The following MARK1 variants were observed in gnomAD, a reference collection of about 807,000 sequenced individuals.
MARK1 encodes the protein microtubule affinity regulating kinase 1.
Under a neutral mutation model 96.3 loss-of-function variants are expected in MARK1, and 40 were observed. The ratio of observed to expected loss-of-function variants is 0.42; its 90% CI spans 0.32 to 0.54. The LOEUF is 0.54. Among genes scored for constraint, MARK1 ranks in the 20% least tolerant of loss-of-function variants. The pLI is 0.16. For synonymous variants in MARK1, 317 were observed against 341.2 expected, an observed-to-expected ratio of 0.93 and a Z score of 0.78; for missense variants, 719 against 984.6, an observed-to-expected ratio of 0.73 and a Z score of 3.61.
intron 1 of MARK1, among the ~76,000 whole-genome samples, chr1:220,548,155 A>G (rs1011586333): frequency 6.6e-6 from 1 of 152,232 alleles, no homozygotes; most frequent in Non-Finnish European, 1.5e-5. Flanking sequence ...CTTTAAGAAT[A>G]TGAGGTGATG....
At chr1:220,641,461 A>G (rs1668264087) in intron 13 of MARK1, among the ~76,000 whole-genome samples, 1 of 152,094 alleles carries the variant, frequency 6.6e-6, no homozygotes, top group Admixed American at 6.5e-5. Flanking sequence ...CTGCACCTTG[A>G]TCTTGATCTC....
rs766351368 is a variant in MARK1, at chr1:220,635,397, T to C, written c.1144T>C (p.Ser382Pro). The C allele has an allele frequency of 5.0e-6, 8 of 1,608,388 alleles. No homozygotes were observed. The East Asian group carries it at 1.3e-4, about 27-fold the overall frequency. ...ATAGTTTGAAGGTGGTGAATCGTTA[T>C]CCAGTGGAAACTTGTGTCAGAGGTC... The part of the protein sequence containing the change: ...PPEFEGGESL[S>P]SGNLCQRSRP... The change falls in exon 12 of 18, where the codon TCC becomes CCC. Residue 382 changes from serine (S) to proline (P), a missense_variant. This residue lies in a region of MARK1 where 501 missense variants were observed against 588.3 expected (regional missense o/e 0.85). Coordinates refer to ENST00000366917, the MANE Select transcript of MARK1 (RefSeq NM_018650.5).
chr1:220,603,978 T>C (rs1408240525), intron 5 of MARK1, 89 bp from the exon 6 acceptor site: 2 of 750,584 alleles, frequency 2.7e-6, no homozygotes, highest in African/African-American at 3.6e-5. Context: ...AAAAGTTTCT[T>C]TATAAACAAG....
At chr1:220,595,972 G>A (rs1207930525) in intron 3 of MARK1, among the ~76,000 whole-genome samples, 3 of 152,202 alleles carry the variant, frequency 2.0e-5, no homozygotes, top group Non-Finnish European at 4.4e-5. Context: ...CAGACATATG[G>A]AGCTGGGGAA....
intron 1 of MARK1, among the ~76,000 whole-genome samples, chr1:220,550,921 A>G (rs1201141940): frequency 1.3e-5 from 2 of 152,240 alleles, no homozygotes; most frequent in Admixed American, 1.3e-4. Context: ...ATACTTACAC[A>G]ATTGTGGAAG....
At chr1:220,533,869 T>C (rs1407799691) in intron 1 of MARK1, among the ~76,000 whole-genome samples, 1 of 152,200 alleles carries the variant, frequency 6.6e-6, no homozygotes, top group Non-Finnish European at 1.5e-5. Flanking sequence ...CTATCCTTCA[T>C]GTTTAACCTG....
intron 1 of MARK1, among the ~76,000 whole-genome samples, chr1:220,562,086 C>G (rs1662705574): frequency 6.6e-6 from 1 of 152,070 alleles, no homozygotes; most frequent in Non-Finnish European, 1.5e-5. Flanking sequence ...AAACTTTTAT[C>G]TGGTTGGAAA....
intron 1 of MARK1, among the ~76,000 whole-genome samples, chr1:220,556,287 T>A (rs998624083): frequency 5.9e-5 from 9 of 152,130 alleles, no homozygotes; most frequent in Non-Finnish European, 1.0e-4. Flanking sequence ...CCGGAGGCCT[T>A]AAGTTTAACG....
In MARK1 at chr1:220,635,434, G is replaced by T; in HGVS notation, c.1181G>T (p.Ser394Ile). 6.2e-7 allele frequency: 1 copy of T among 1,612,950 alleles called. No homozygotes were observed. Among genetic ancestry groups the T allele is most frequent in the East Asian group, 2.2e-5 (1 of 44,802 alleles). ...TTGTGTCAGAGGTCCCGGCCCAGTAGTGACTTAAACAACAGCACTCTTCAG... is the reference window on the plus strand; with the variant it reads ...TTGTGTCAGAGGTCCCGGCCCAGTATTGACTTAAACAACAGCACTCTTCAG... ...GNLCQRSRPSSDLNNSTLQSP... is the reference protein window; with the variant it reads ...GNLCQRSRPSIDLNNSTLQSP... The change falls in exon 12 of 18, where the codon AGT becomes ATT. Residue 394 changes from serine to isoleucine, a missense_variant. Ser to Ile is a moderately radical substitution (Grantham distance 142, BLOSUM62 -2). This residue lies in a region of MARK1 where 501 missense variants were observed against 588.3 expected (regional missense o/e 0.85). Transcript: ENST00000366917.
intron 3 of MARK1, among the ~76,000 whole-genome samples, chr1:220,586,345 C>A (rs1016586625): frequency 1.3e-5 from 2 of 152,118 alleles, no homozygotes; most frequent in African/African-American, 2.4e-5. Context: ...TAAGGCTTAT[C>A]TCCCCTCTTC....
intron 1 of MARK1, among the ~76,000 whole-genome samples, chr1:220,574,971 C>T (rs966672963): frequency 1.1e-4 from 16 of 152,058 alleles, no homozygotes; most frequent in East Asian, 1.9e-4. Flanking sequence ...TTTGAATATT[C>T]GGTCACCAAG....
intron 3 of MARK1, among the ~76,000 whole-genome samples, chr1:220,592,224 T>TATATTATATTATATC (rs1665041371): frequency 2.0e-5 from 1 of 49,514 alleles, no homozygotes; most frequent in East Asian, 3.7e-4. Context: ...TATATCATAT[T>TATATTATATTATATC]ATATTATATT....
At chr1:220,576,999 C>G (rs1049393846) in intron 1 of MARK1, among the ~76,000 whole-genome samples, 2 of 152,024 alleles carry the variant, frequency 1.3e-5, no homozygotes, top group Non-Finnish European at 2.9e-5. Flanking sequence ...TGGCTTATGC[C>G]TATATCTCAG....
chr1:220,564,735 GTAA>G (rs1346293672), intron 1 of MARK1, among the ~76,000 whole-genome samples: 11 of 152,178 alleles, frequency 7.2e-5, no homozygotes, highest in Admixed American at 6.5e-4. Flanking sequence ...GCCATTTCTT[GTAA>G]TAATGTTTAT....
At chr1:220,647,731 A>C (rs1050943608) in intron 13 of MARK1, among the ~76,000 whole-genome samples, 2 of 152,216 alleles carry the variant, frequency 1.3e-5, no homozygotes, top group African/African-American at 4.8e-5. Flanking sequence ...GAATGAGATC[A>C]TGTCCTTTGC....
At chr1:220,636,337 G>A (rs1488853786) in intron 13 of MARK1, among the ~76,000 whole-genome samples, 2 of 152,000 alleles carry the variant, frequency 1.3e-5, no homozygotes, top group East Asian at 3.9e-4. Context: ...CCAATAAGCT[G>A]TTTAATGAAG....
chr1:220,565,755 A>G (rs12063243), intron 1 of MARK1, among the ~76,000 whole-genome samples: 6,528 of 152,106 alleles, frequency 0.043, 446 homozygotes, highest in African/African-American at 0.15. Context: ...CAGATTTTTG[A>G]TGTTTTTCTC....
intron 5 of MARK1, among the ~76,000 whole-genome samples, chr1:220,602,894 A>G (rs747082522): frequency 1.3e-4 from 20 of 152,080 alleles, no homozygotes; most frequent in Middle Eastern, 3.2e-3. Flanking sequence ...CAATTTATTG[A>G]GTGCTTACTA....
Position 220,579,418 on chromosome 1 carries a change from A to T in MARK1, c.116A>T (p.Asn39Ile), listed in dbSNP as rs780576893. 6.2e-7 allele frequency: 1 copy of T among 1,614,074 alleles called. No homozygotes were observed. The highest frequency in any genetic ancestry group is 8.5e-7 in the Non-Finnish European group (1 of 1,179,968). ...IQPTKSSSRQ[N>I]IPRCRNSITS... ...CCTACCAAGTCGAGTAGCAGACAGA[A>T]CATCCCCCGGTGTAGAAACTCCATT... The change falls in exon 2 of 18, where the codon AAC (asparagine) becomes ATC (isoleucine). Residue 39 changes from asparagine (N) to isoleucine (I), a missense_variant. By Grantham distance (149) the Asn-to-Ile change is moderately radical. Coordinates refer to ENST00000366917, the MANE Select transcript of MARK1 (RefSeq NM_018650.5).
Sources: allele counts gnomAD v4.1 joint callset (sites outside exome capture counted in the v4.1 genomes callset), GRCh38; gene constraint gnomAD v4.1.1; regional missense constraint gnomAD v4.1.1; transcripts MANE v1.5; gene names NCBI Gene and HGNC (gene_info 2026-07-23, HGNC 2026-07-21).